The following GPHN variants were observed in gnomAD, a reference collection of about 807,000 sequenced individuals.
GPHN encodes the protein gephyrin.
In GPHN, 17 loss-of-function variants were observed where a neutral mutation model predicts 95.5. The observed-to-expected ratio is 0.18, with a 90% confidence interval of 0.12 to 0.27. The LOEUF (loss-of-function observed/expected upper bound fraction) is 0.27. GPHN is among the 10% of genes least tolerant of loss of function. The probability of loss-of-function intolerance (pLI) is 1.00; values close to 1 mark genes in which losing one functional copy is unlikely to be tolerated. For missense variants in GPHN, 660 were observed against 978.1 expected, an observed-to-expected ratio of 0.67 and a Z score of 4.34; for synonymous variants, 320 against 322.5, an observed-to-expected ratio of 0.99 and a Z score of 0.08.
the GPHN span, chr14:67,382,456 A>G: frequency 6.2e-7 from 1 of 1,612,816 alleles, no homozygotes; most frequent in Non-Finnish European, 8.5e-7. Context: ...GATTAATCTA[A>G]TAGCTCCTCC....
At chr14:66,695,699 A>G (rs762479552) in intron 2 of GPHN, among the ~76,000 whole-genome samples, 1 of 152,346 alleles carries the variant, frequency 6.6e-6, no homozygotes, top group Non-Finnish European at 1.5e-5. Flanking sequence ...CTATCAAACT[A>G]TGAGAAGATA....
At chr14:66,831,004 G>T (rs1269390642) in intron 4 of GPHN, among the ~76,000 whole-genome samples, 1 of 151,688 alleles carries the variant, frequency 6.6e-6, no homozygotes, top group Non-Finnish European at 1.5e-5. Context: ...TTCTTATATT[G>T]TAATGCTTCA....
At chr14:67,276,036 C>CT in the GPHN span, among the ~76,000 whole-genome samples, 1 of 152,058 alleles carries the variant, frequency 6.6e-6, no homozygotes, top group African/African-American at 2.4e-5. Context: ...TGCTAGTAGT[C>CT]TATCAATTTT....
chr14:66,730,399 T>C (rs2071657206), intron 2 of GPHN, among the ~76,000 whole-genome samples: 1 of 152,208 alleles, frequency 6.6e-6, no homozygotes, highest in Non-Finnish European at 1.5e-5. Context: ...GCTGTTGATA[T>C]ATATATCTTC....
intron 3 of GPHN, among the ~76,000 whole-genome samples, chr14:66,782,528 A>G (rs2059640609): frequency 6.6e-6 from 1 of 152,178 alleles, no homozygotes; most frequent in Non-Finnish European, 1.5e-5. Context: ...ATAAACATAG[A>G]AAGATTCTGG....
intron 4 of GPHN, among the ~76,000 whole-genome samples, chr14:66,854,789 CATTT>C (rs1292769754): frequency 1.3e-5 from 2 of 151,030 alleles, no homozygotes; most frequent in African/African-American, 4.9e-5. Flanking sequence ...TGGTATATTA[CATTT>C]ATTTTCTAAA....
At chr14:67,674,694 C>T in the GPHN span, 1 of 456,932 alleles carries the variant, frequency 2.2e-6, no homozygotes, top group Non-Finnish European at 3.8e-6. Context: ...GGAGCGCCGG[C>T]GCGAAAGCCT....
At chr14:67,120,679 G>A (rs548094153) in intron 16 of GPHN, among the ~76,000 whole-genome samples, 1 of 152,292 alleles carries the variant, frequency 6.6e-6, no homozygotes, top group South Asian at 2.1e-4. Flanking sequence ...GATTAATGGA[G>A]TTAAAGAGCT....
rs940034183 is a variant in GPHN, at chr14:66,508,656, C to A, written c.64+65C>A. On this transcript the variant is annotated intron_variant, in intron 1 of 22. Coordinates refer to ENST00000478722, the MANE Select transcript of GPHN (RefSeq NM_020806.5). ...TCCCTGCATTGCCTTAGGCTTTTCG[C>A]CTGTGGTGGCCCTTCTCTGCGGCCT... is the stretch of plus-strand genomic sequence containing the variant. The A allele has an allele frequency of 9.6e-6, 13 of 1,361,066 alleles. No individual in the cohort carries two copies. In the East Asian group the frequency reaches 2.7e-4, roughly 29 times the overall value. The allele number at this position is 1,361,066 out of a possible 1,614,324, so 84.3% of individuals were successfully genotyped here.
the GPHN span, among the ~76,000 whole-genome samples, chr14:67,610,677 G>T: frequency 6.6e-6 from 1 of 152,074 alleles, no homozygotes; most frequent in Non-Finnish European, 1.5e-5. Context: ...AGGCCCCCTG[G>T]TCCTGACATC....
intron 1 of GPHN, among the ~76,000 whole-genome samples, chr14:66,530,805 C>T (rs1189199208): frequency 1.3e-5 from 2 of 152,028 alleles, no homozygotes; most frequent in African/African-American, 2.4e-5. Flanking sequence ...TCTAACCAGT[C>T]CCAATGAGAT....
chr14:67,585,946 CA>C, the GPHN span: 1 of 1,609,068 alleles, frequency 6.2e-7, no homozygotes, highest in Non-Finnish European at 8.5e-7. Context: ...GGTTCCTTTC[CA>C]CAGCAAGTGC....
chr14:67,252,659 G>A, the GPHN span, among the ~76,000 whole-genome samples: 2 of 152,080 alleles, frequency 1.3e-5, no homozygotes, highest in East Asian at 1.9e-4. Context: ...ACACCCAGTC[G>A]GTGTCCAGAG....
chr14:67,360,180 A>G, the GPHN span: 33 of 405,168 alleles, frequency 8.1e-5, no homozygotes, highest in Middle Eastern at 6.2e-4. Context: ...AAGGTTACTT[A>G]GCTAAAGCTA....
At position 67,172,808 on chromosome 14, in the gene GPHN, T is replaced by C. The variant is rs533959210; in HGVS notation, c.2079+3772T>C. On this transcript the variant is annotated intron_variant, in intron 21 of 22. Coordinates refer to ENST00000478722, the MANE Select transcript of GPHN (RefSeq NM_020806.5). The stretch of plus-strand genomic sequence containing the variant: ...GTGCTCCACCAGTCTGGATTACTTA[T>C]TGCTGCTGCACCTGGCTGCACAAAG... Among the ~76,000 whole-genome samples the C allele has an allele frequency of 1.2e-4, 18 of 152,254 alleles. No individual in the cohort carries two copies. The East Asian group carries it at 2.9e-3, about 24-fold the overall frequency.
the GPHN span, among the ~76,000 whole-genome samples, chr14:67,429,870 G>A: frequency 6.6e-6 from 1 of 152,146 alleles, no homozygotes. Flanking sequence ...TCTTTCAACA[G>A]CGCTACAAGT....
chr14:67,651,052 G>A, the GPHN span: 1 of 1,106,190 alleles, frequency 9.0e-7, no homozygotes, highest in South Asian at 1.5e-5. Context: ...TCTCACAATT[G>A]TAAAGTTTCC....
chr14:67,211,831 A>G, the GPHN span, among the ~76,000 whole-genome samples: 2 of 152,166 alleles, frequency 1.3e-5, no homozygotes, highest in Non-Finnish European at 1.5e-5. Flanking sequence ...GTGATGGAGC[A>G]AGACACTGAC....
intron 11 of GPHN, among the ~76,000 whole-genome samples, chr14:67,082,790 T>C (rs1336027319): frequency 6.6e-6 from 1 of 152,192 alleles, no homozygotes. Context: ...TTCAGCAATG[T>C]TTAGTAGTTT....
Sources: allele counts gnomAD v4.1 joint callset (sites outside exome capture counted in the v4.1 genomes callset), GRCh38; gene constraint gnomAD v4.1.1; transcripts MANE v1.5; gene names NCBI Gene and HGNC (gene_info 2026-07-23, HGNC 2026-07-21).